The following TLK1 variants were observed in gnomAD, a reference collection of about 807,000 sequenced individuals.
TLK1 encodes the protein serine/threonine-protein kinase tousled-like 1.
Under a neutral mutation model 105.3 loss-of-function variants are expected in TLK1, and 24 were observed. The ratio of observed to expected loss-of-function variants is 0.23; its 90% CI spans 0.17 to 0.32. The LOEUF is 0.32. TLK1 is among the 10% of genes least tolerant of loss of function. TLK1 has a pLI of 1.00. For missense variants in TLK1, 558 were observed against 910.5 expected (o/e 0.61, Z 4.98); for synonymous variants, 321 against 310.4 (o/e 1.03, Z -0.36).
chr2:171,006,529 T>C lies in TLK1; in HGVS notation c.1713A>G (p.Ala571=). The C allele has an allele frequency of 1.2e-6, 2 of 1,612,904 alleles. No homozygotes were observed. The highest frequency in any genetic ancestry group is 8.5e-7 in the Non-Finnish European group (1 of 1,179,548). Residue 571 remains alanine, a synonymous_variant, in exon 17 of 21, where the codon GCA becomes GCG. Coordinates refer to ENST00000431350, the MANE Select transcript of TLK1 (RefSeq NM_012290.5). The stretch of plus-strand genomic sequence containing the variant: ...GTTTGATCTCATTGAGATATCTTAG[T>C]GCATTTACAATCTGCATTACAATAG... ...ARSIVMQIVN[A]LRYLNEIKPP... is the part of the protein sequence containing the mutation.
At chr2:171,216,242 C>T (rs1002556532) in intron 1 of TLK1, among the ~76,000 whole-genome samples, 13 of 152,066 alleles carry the variant, frequency 8.5e-5, no homozygotes, top group South Asian at 4.1e-4. Context: ...TTTGGGAGGC[C>T]GAGGCGGGCA....
At chr2:171,084,267 A>C (rs554794815) in intron 2 of TLK1, among the ~76,000 whole-genome samples, 13 of 152,334 alleles carry the variant, frequency 8.5e-5, no homozygotes, top group African/African-American at 3.1e-4. Context: ...ACTTTCAATT[A>C]GTGACTAAGT....
chr2:171,201,320 C>T (rs1184193712), intron 1 of TLK1, among the ~76,000 whole-genome samples: 1 of 152,148 alleles, frequency 6.6e-6, no homozygotes, highest in Non-Finnish European at 1.5e-5. Flanking sequence ...AATGCCATCT[C>T]ATTATTTACA....
At chr2:171,147,875 T>C (rs1258198013) in intron 1 of TLK1, among the ~76,000 whole-genome samples, 9 of 152,152 alleles carry the variant, frequency 5.9e-5, no homozygotes, top group Admixed American at 5.9e-4. Context: ...GTTTATACTT[T>C]GTATTGGTAT....
intron 3 of TLK1, among the ~76,000 whole-genome samples, chr2:171,072,640 C>T (rs1575574434): frequency 1.3e-5 from 2 of 152,092 alleles, no homozygotes; most frequent in African/African-American, 2.4e-5. Flanking sequence ...TGGTGGTGGG[C>T]GCCTGTAATC....
chr2:171,035,445 C>CT (rs1686280306), intron 11 of TLK1, among the ~76,000 whole-genome samples: 2 of 152,274 alleles, frequency 1.3e-5, no homozygotes, highest in Admixed American at 6.5e-5. Context: ...ATTATGAGGC[C>CT]TCCCCAACCA....
At chr2:171,024,919 A>T (rs1344421192) in intron 12 of TLK1, among the ~76,000 whole-genome samples, 2 of 152,130 alleles carry the variant, frequency 1.3e-5, no homozygotes, top group Non-Finnish European at 2.9e-5. Flanking sequence ...GAACAACTAT[A>T]ACAATAAATA....
At chr2:171,168,935 G>A (rs13417709) in intron 1 of TLK1, among the ~76,000 whole-genome samples, 35,188 of 152,030 alleles carry the variant, frequency 0.23, 4,388 homozygotes, top group Middle Eastern at 0.34. Flanking sequence ...ACAAAAAGCC[G>A]GGTGTGGTGG....
chr2:171,049,825 C>G lies in TLK1; in HGVS notation c.969G>C (p.Gln323His). 1 of 1,613,752 alleles carries G rather than the reference C, an allele frequency of 6.2e-7. No individual in the cohort carries two copies. The highest frequency in any genetic ancestry group is 8.5e-7 in the Non-Finnish European group (1 of 1,179,858). Residue 323 changes from glutamine (Q) to histidine (H), a missense_variant, in exon 10 of 21, where the codon CAG (glutamine) becomes CAC (histidine). Gln to His is a conservative substitution (Grantham distance 24, BLOSUM62 0). This residue lies in a region of TLK1 where 196 missense variants were observed against 239.3 expected (regional missense o/e 0.82). Transcript: ENST00000431350. Reference sequence around the variant, plus strand: ...TAAGAATGACTAACTTCACAAGATTCTGAAATGCAAAACCATCTGTCCATT... The same window carrying G: ...TAAGAATGACTAACTTCACAAGATTGTGAAATGCAAAACCATCTGTCCATT... ...TEQWTDGFAFQNLVKQQEWVN... is the reference protein window; with the variant it reads ...TEQWTDGFAFHNLVKQQEWVN...
intron 1 of TLK1, among the ~76,000 whole-genome samples, chr2:171,169,557 G>C (rs1352875032): frequency 6.6e-6 from 1 of 152,166 alleles, no homozygotes; most frequent in African/African-American, 2.4e-5. Flanking sequence ...TTACAGGCAT[G>C]CACCACCAGG....
At chr2:171,187,308 G>A (rs1271334111) in intron 1 of TLK1, among the ~76,000 whole-genome samples, 1 of 152,028 alleles carries the variant, frequency 6.6e-6, no homozygotes, top group Non-Finnish European at 1.5e-5. Context: ...AGACATCCTC[G>A]CTGGAATACG....
chr2:171,230,087 T>C (rs995238740), intron 1 of TLK1, among the ~76,000 whole-genome samples: 1 of 152,272 alleles, frequency 6.6e-6, no homozygotes, highest in Admixed American at 6.5e-5. Context: ...GAAAAGCTAA[T>C]ACTTATTTCC....
intron 2 of TLK1, among the ~76,000 whole-genome samples, chr2:171,095,359 G>A (rs956586836): frequency 6.6e-6 from 1 of 151,740 alleles, no homozygotes; most frequent in African/African-American, 2.4e-5. Flanking sequence ...AAACAAAATT[G>A]ACAAATCTTT....
At chr2:171,155,745 G>A (rs978016824) in intron 1 of TLK1, 5 of 152,026 alleles carry the variant, frequency 3.3e-5, no homozygotes, top group African/African-American at 9.7e-5. Flanking sequence ...TAGCTGTTGC[G>A]AGTTCCATTG....
chr2:171,037,441 C>CAAAAA (rs34547550), intron 11 of TLK1, among the ~76,000 whole-genome samples: 1 of 118,574 alleles, frequency 8.4e-6, no homozygotes, highest in Non-Finnish European at 1.7e-5. Flanking sequence ...AACTCCGTCT[C>CAAAAA]AAAAAAAAAA....
chr2:171,012,992 T>A (rs1015994295), intron 13 of TLK1, among the ~76,000 whole-genome samples: 5 of 149,688 alleles, frequency 3.3e-5, no homozygotes, highest in Non-Finnish European at 7.4e-5. Flanking sequence ...AAATTAGTTT[T>A]GTACCATATG....
At chr2:171,054,170 T>C (rs978261157) in intron 7 of TLK1, 1 of 182,234 alleles carries the variant, frequency 5.5e-6, no homozygotes, top group Non-Finnish European at 1.1e-5. Flanking sequence ...TTTAAATTGA[T>C]AAGTAAAAAC....
At chr2:171,064,680 A>T (rs1220211268) in intron 3 of TLK1, among the ~76,000 whole-genome samples, 1 of 152,198 alleles carries the variant, frequency 6.6e-6, no homozygotes, top group Non-Finnish European at 1.5e-5. Context: ...CAGTAATTAT[A>T]AAAGGCCAAA....
At chr2:171,002,563 C>T (rs775434138) in intron 18 of TLK1, among the ~76,000 whole-genome samples, 17 of 152,152 alleles carry the variant, frequency 1.1e-4, no homozygotes, top group Non-Finnish European at 1.8e-4. Flanking sequence ...TGTGAGCCAC[C>T]GCGCCTGGCC....
Sources: gnomAD v4.1 joint callset for allele counts (sites outside exome capture counted in the v4.1 genomes callset) on GRCh38, gnomAD v4.1.1 for gene constraint, gnomAD v4.1.1 regional missense constraint, MANE v1.5 for transcripts, NCBI Gene and HGNC (gene_info 2026-07-23, HGNC 2026-07-21) for gene names.